TBC1D32: variants seen among roughly 807,000 people sequenced by gnomAD.
TBC1D32 encodes protein broad-minded.
TBC1D32 carries 151 observed loss-of-function variants against 170.3 expected under a neutral mutation model. The ratio of observed to expected loss-of-function variants is 0.89; its 90% CI spans 0.78 to 1.01. The LOEUF (loss-of-function observed/expected upper bound fraction) is 1.01. TBC1D32 is among the 50% of genes least tolerant of loss of function. The pLI is 0.00. For missense variants in TBC1D32, 1,464 were observed against 1,457.1 expected (o/e 1.00, Z -0.08); for synonymous variants, 498 against 488.0 (o/e 1.02, Z -0.27).
chr6:121,090,765 A>T, intron 31 of TBC1D32, 88 bp downstream of exon 31: 4 of 1,211,254 alleles, frequency 3.3e-6, no homozygotes, highest in Non-Finnish European at 4.7e-6. Flanking sequence ...TTTTAGGATT[A>T]AATGAGTGCC....
chr6:121,266,279 G>T (rs927403420), intron 15 of TBC1D32, among the ~76,000 whole-genome samples: 1 of 152,064 alleles, frequency 6.6e-6, no homozygotes, highest in African/African-American at 2.4e-5. Context: ...CTTCTCAAAA[G>T]AAGACATTTA....
chr6:121,210,061 A>C (rs1792851245), intron 21 of TBC1D32, among the ~76,000 whole-genome samples: 1 of 152,222 alleles, frequency 6.6e-6, no homozygotes, highest in African/African-American at 2.4e-5. Flanking sequence ...ATTTTGTATC[A>C]TTCACCTTTA....
chr6:121,140,281 C>G (rs778896099), intron 24 of TBC1D32, among the ~76,000 whole-genome samples: 40 of 151,232 alleles, frequency 2.6e-4, no homozygotes, highest in Admixed American at 5.9e-4. Context: ...TACCTCCCCC[C>G]ACCCTGATCT....
intron 15 of TBC1D32, among the ~76,000 whole-genome samples, chr6:121,269,361 G>C (rs1801021075): frequency 6.6e-6 from 1 of 152,084 alleles, no homozygotes; most frequent in Non-Finnish European, 1.5e-5. Flanking sequence ...CTATATTCAG[G>C]AGACCCATAT....
At chr6:121,232,579 G>T (rs976456629) in intron 20 of TBC1D32, among the ~76,000 whole-genome samples, 1 of 152,074 alleles carries the variant, frequency 6.6e-6, no homozygotes, top group African/African-American at 2.4e-5. Flanking sequence ...CCATTTGTTT[G>T]TGTTGTCTGA....
At position 121,080,785 on chromosome 6, in the gene TBC1D32, G is replaced by T. The variant is rs1775560018; in HGVS notation, c.3760C>A (p.Leu1254Met). ...TGTCTCATGATCTATGTGCTCTGCA[G>T]TCTAATGTTCCGCATGTCTCTCAGC... Reference protein sequence around the residue: ...VLLRDMRNIRLQST With the variant: ...VLLRDMRNIRMQST The change falls in exon 32 of 32, where the codon CTG (leucine) becomes ATG (methionine). Residue 1254 changes from leucine to methionine, a missense_variant. Leu to Met is a conservative substitution (Grantham distance 15). Around this residue, in one of 3 missense-constraint regions of TBC1D32, gnomAD observed 97 missense variants for 102.0 expected, o/e 0.95. Transcript: ENST00000398212. 2.5e-6 allele frequency: 4 copies of T among 1,613,102 alleles called. No individual in the cohort carries two copies. Among genetic ancestry groups the T allele is most frequent in the Non-Finnish European group, 3.4e-6 (4 of 1,179,712 alleles).
At chr6:121,222,041 C>T (rs1794584122) in intron 21 of TBC1D32, among the ~76,000 whole-genome samples, 2 of 152,108 alleles carry the variant, frequency 1.3e-5, no homozygotes, top group Non-Finnish European at 2.9e-5. Context: ...CAGAGCCACC[C>T]CAGCCCACAA....
chr6:121,229,405 T>C (rs1029852302), intron 20 of TBC1D32, among the ~76,000 whole-genome samples: 1 of 152,152 alleles, frequency 6.6e-6, no homozygotes, highest in African/African-American at 2.4e-5. Flanking sequence ...CCATTTGACC[T>C]GTAAAGTTTC....
intron 30 of TBC1D32, among the ~76,000 whole-genome samples, chr6:121,099,083 G>A (rs1777731464): frequency 6.6e-6 from 1 of 151,788 alleles, no homozygotes; most frequent in South Asian, 2.1e-4. Context: ...CATAATAGGG[G>A]GAAAAAGAGC....
intron 2 of TBC1D32, among the ~76,000 whole-genome samples, chr6:121,321,377 G>C (rs1809674790): frequency 6.6e-6 from 1 of 152,160 alleles, no homozygotes; most frequent in Admixed American, 6.5e-5. Flanking sequence ...AAAATGATAA[G>C]AAATGGGGTA....
chr6:121,153,841 A>G (rs1314810), intron 24 of TBC1D32, among the ~76,000 whole-genome samples: 141,530 of 151,910 alleles, frequency 0.93, 66,658 homozygotes, highest in Non-Finnish European at 1. Flanking sequence ...TGCCCCTCCC[A>G]CCACCAAGCT....
At chr6:121,172,123 G>T (rs554009365) in intron 22 of TBC1D32, among the ~76,000 whole-genome samples, 32 of 152,166 alleles carry the variant, frequency 2.1e-4, no homozygotes, top group African/African-American at 7.5e-4. Context: ...TCTCTTGAAT[G>T]CCACCACGTA....
intron 22 of TBC1D32, among the ~76,000 whole-genome samples, chr6:121,184,352 A>G (rs1417648818): frequency 6.6e-6 from 1 of 151,980 alleles, no homozygotes; most frequent in Non-Finnish European, 1.5e-5. Flanking sequence ...ATAAAAATTG[A>G]GAGGCTTGCC....
chr6:121,175,600 G>A (rs776321959), intron 22 of TBC1D32, among the ~76,000 whole-genome samples: 4 of 152,036 alleles, frequency 2.6e-5, no homozygotes, highest in Non-Finnish European at 4.4e-5. Flanking sequence ...TATAATCATC[G>A]GAACAGATGC....
chr6:121,256,369 C>G, intron 15 of TBC1D32, 84 bp from the exon 16 acceptor site: 1 of 1,214,190 alleles, frequency 8.2e-7, no homozygotes, highest in Non-Finnish European at 1.1e-6. Flanking sequence ...AGTCTTGTCA[C>G]AAAAACTTAG....
chr6:121,295,912 G>A (rs1805560928), intron 10 of TBC1D32, among the ~76,000 whole-genome samples: 1 of 151,900 alleles, frequency 6.6e-6, no homozygotes, highest in Admixed American at 6.6e-5. Context: ...ATTTCAGGAG[G>A]GCTCTCATCA....
chr6:121,246,875 C>T (rs1797689046), intron 17 of TBC1D32, among the ~76,000 whole-genome samples: 1 of 151,574 alleles, frequency 6.6e-6, no homozygotes, highest in Non-Finnish European at 1.5e-5. Flanking sequence ...GTAAAATGGC[C>T]AAACCTATGA....
At position 121,272,494 on chromosome 6, in the gene TBC1D32, A is replaced by G. The variant is rs896356775; in HGVS notation, c.1733+6627T>C. On this transcript the variant is annotated intron_variant, in intron 15 of 31. Transcript: ENST00000398212. ...AAAAGAAGACATTTATGCAGCCCAC[A>G]GACACATGAAAAAATGCTCATCATC... Among the ~76,000 whole-genome samples, 58 of 152,232 alleles carry G rather than the reference A, an allele frequency of 3.8e-4. 1 individual carries two copies. Among genetic ancestry groups the G allele is most frequent in the South Asian group, 1.0e-3 (5 of 4,834 alleles).
At chr6:121,098,508 A>G (rs1562472920) in intron 30 of TBC1D32, among the ~76,000 whole-genome samples, 1 of 152,026 alleles carries the variant, frequency 6.6e-6, no homozygotes, top group Non-Finnish European at 1.5e-5. Context: ...AATAAAGGTT[A>G]AAATTTTAAA....
Sources: gnomAD v4.1 joint callset for allele counts (sites outside exome capture counted in the v4.1 genomes callset) on GRCh38, gnomAD v4.1.1 for gene constraint, gnomAD v4.1.1 regional missense constraint, MANE v1.5 for transcripts, NCBI Gene and HGNC (gene_info 2026-07-23, HGNC 2026-07-21) for gene names.